PAM: variants seen among roughly 807,000 people sequenced by gnomAD.
PAM encodes peptidyl-glycine alpha-amidating monooxygenase.
A neutral mutation model predicts 122.1 loss-of-function variants in PAM; 72 were observed. The ratio of observed to expected loss-of-function variants is 0.59; its 90% CI spans 0.49 to 0.72. The LOEUF (loss-of-function observed/expected upper bound fraction) is 0.72. Ranked by LOEUF, PAM falls within the 30% of genes least tolerant of loss-of-function variation. The pLI is 0.00. For missense variants in PAM, 1,106 were observed against 1,183.7 expected (o/e 0.93, Z 0.96); for synonymous variants, 389 against 404.4 (o/e 0.96, Z 0.46).
chr5:102,903,239 C>G (rs1798533313), intron 4 of PAM, among the ~76,000 whole-genome samples: 1 of 151,406 alleles, frequency 6.6e-6, no homozygotes, highest in African/African-American at 2.4e-5. Flanking sequence ...TTTTTGTTCC[C>G]TATTCACAAT....
chr5:102,823,135 G>T (rs1221717695), intron 1 of PAM, among the ~76,000 whole-genome samples: 1 of 152,210 alleles, frequency 6.6e-6, no homozygotes. Context: ...AGCAGAAAGT[G>T]CATTGGACTG....
chr5:102,758,532 A>G (rs546284021), intron 1 of PAM, among the ~76,000 whole-genome samples: 1 of 152,322 alleles, frequency 6.6e-6, no homozygotes, highest in South Asian at 2.1e-4. Context: ...AAAACCACAT[A>G]CAAATAGCTC....
chr5:102,976,212 C>T (rs945143748), intron 15 of PAM, among the ~76,000 whole-genome samples: 1 of 152,118 alleles, frequency 6.6e-6, no homozygotes, highest in Non-Finnish European at 1.5e-5. Context: ...TATTTCCCTA[C>T]TCTAATTACA....
intron 1 of PAM, among the ~76,000 whole-genome samples, chr5:102,760,876 AC>A (rs1332776645): frequency 3.9e-5 from 6 of 152,202 alleles, no homozygotes; most frequent in African/African-American, 1.4e-4. Flanking sequence ...CAATTTGGAG[AC>A]TGGGCAGACT....
chr5:102,896,661 A>G (rs1252079333), intron 3 of PAM, among the ~76,000 whole-genome samples: 3 of 151,698 alleles, frequency 2.0e-5, no homozygotes, highest in African/African-American at 2.4e-5. Flanking sequence ...TTAACATAAA[A>G]TCTTCACTAT....
intron 3 of PAM, among the ~76,000 whole-genome samples, chr5:102,894,543 A>C (rs914616850): frequency 6.6e-6 from 1 of 151,536 alleles, no homozygotes; most frequent in African/African-American, 2.4e-5. Context: ...CCTCCTCTAC[A>C]CACATTGCCC....
intron 1 of PAM, among the ~76,000 whole-genome samples, chr5:102,798,285 G>A (rs369326037): frequency 8.5e-5 from 13 of 152,164 alleles, no homozygotes; most frequent in Non-Finnish European, 5.9e-5. Flanking sequence ...TCTGTTTCTC[G>A]TACTGTATAT....
chr5:102,881,129 TAC>T (rs34434423), intron 3 of PAM, among the ~76,000 whole-genome samples: 54 of 145,754 alleles, frequency 3.7e-4, no homozygotes, highest in East Asian at 1.2e-3. Context: ...TTTTTATACA[TAC>T]ACACACACAC....
intron 11 of PAM, 51 bp from the exon 12 acceptor site, chr5:102,950,666 C>T: frequency 9.0e-7 from 1 of 1,107,828 alleles, no homozygotes. Flanking sequence ...ACATGTAGTT[C>T]TGGATTTTAT....
At chr5:102,990,086 T>G in intron 15 of PAM, 186 bp from the exon 16 acceptor site, 1 of 373,570 alleles carries the variant, frequency 2.7e-6, no homozygotes, top group Non-Finnish European at 4.7e-6. Flanking sequence ...CCCAGTCACT[T>G]CATCACTCAG....
chr5:102,972,787 G>A (rs1766260612), intron 14 of PAM, among the ~76,000 whole-genome samples: 1 of 152,136 alleles, frequency 6.6e-6, no homozygotes, highest in African/African-American at 2.4e-5. Flanking sequence ...CTTATAATTT[G>A]CTTTGTTTAT....
intron 1 of PAM, chr5:102,837,847 C>T (rs1438746368): frequency 1.3e-5 from 2 of 152,132 alleles, no homozygotes; most frequent in Admixed American, 6.5e-5. Flanking sequence ...TTATGTGGCT[C>T]ACCTTAAATT....
chr5:102,913,600 A>G lies in PAM; in HGVS notation c.269-334A>G, dbSNP rs112045406. Among the ~76,000 whole-genome samples the G allele has an allele frequency of 2.5e-3, 382 of 152,112 alleles. 3 individuals are homozygous for G. Among genetic ancestry groups the G allele is most frequent in the African/African-American group, 8.5e-3 (355 of 41,550 alleles). On this transcript the variant is annotated intron_variant, in intron 4 of 25. Coordinates refer to ENST00000438793, the MANE Select transcript of PAM (RefSeq NM_001177306.2). ...GATACTCAGCACTGTACTGATGTCT[A>G]AAAGGAAATATACTGTGAATACATA...
At chr5:102,965,473 C>T (rs934540586) in intron 14 of PAM, among the ~76,000 whole-genome samples, 14 of 151,686 alleles carry the variant, frequency 9.2e-5, no homozygotes, top group African/African-American at 3.1e-4. Flanking sequence ...TTGAAACTTA[C>T]GTCTGTTGTA....
chr5:103,006,479 G>A (rs968122804), intron 18 of PAM, among the ~76,000 whole-genome samples: 2 of 152,146 alleles, frequency 1.3e-5, no homozygotes, highest in Non-Finnish European at 2.9e-5. Context: ...GGAGTGCATT[G>A]TAGTATTATC....
intron 15 of PAM, among the ~76,000 whole-genome samples, chr5:102,988,690 GGAAA>G (rs1396298623): frequency 6.2e-5 from 8 of 129,304 alleles, no homozygotes; most frequent in African/African-American, 1.9e-4. Flanking sequence ...AAAGAAAGAA[GGAAA>G]GAAAGAGAAA....
intron 3 of PAM, among the ~76,000 whole-genome samples, chr5:102,869,205 C>T (rs1418652025): frequency 6.6e-6 from 1 of 152,144 alleles, no homozygotes; most frequent in Non-Finnish European, 1.5e-5. Flanking sequence ...TCCCTTTCCG[C>T]AATGATTGGT....
intron 1 of PAM, among the ~76,000 whole-genome samples, chr5:102,771,143 T>C (rs763586439): frequency 1.6e-4 from 25 of 152,134 alleles, no homozygotes; most frequent in Non-Finnish European, 3.2e-4. Flanking sequence ...TATAAACTCC[T>C]ATTGGCCATT....
At chr5:102,957,146 G>A (rs1377271322) in intron 12 of PAM, among the ~76,000 whole-genome samples, 1 of 152,040 alleles carries the variant, frequency 6.6e-6, no homozygotes, top group African/African-American at 2.4e-5. Flanking sequence ...AACATTTCTA[G>A]CTACACATCT....
Sources: allele counts gnomAD v4.1 joint callset (sites outside exome capture counted in the v4.1 genomes callset), GRCh38; gene constraint gnomAD v4.1.1; transcripts MANE v1.5; gene names NCBI Gene and HGNC (gene_info 2026-07-23, HGNC 2026-07-21).